Variants in NLRP8 observed in about 807,000 individuals in gnomAD.
NLRP8 encodes the protein NACHT, LRR and PYD domains-containing protein 8.
Under a neutral mutation model 88.7 loss-of-function variants are expected in NLRP8, and 86 were observed. The observed-to-expected ratio is 0.97, with a 90% CI of 0.81 to 1.16. The LOEUF (loss-of-function observed/expected upper bound fraction) is 1.16. NLRP8 is among the 50% of genes most tolerant of loss of function. The probability of loss-of-function intolerance (pLI) is 0.00; values close to 1 mark genes in which losing one functional copy is unlikely to be tolerated. For missense variants in NLRP8, 1,342 were observed against 1,286.5 expected, an observed-to-expected ratio of 1.04 and a Z score of -0.66; for synonymous variants, 504 against 494.6, an observed-to-expected ratio of 1.02 and a Z score of -0.25.
chr19:55,955,238 C>G lies in NLRP8; in HGVS notation c.1180C>G (p.Arg394Gly), dbSNP rs766183456. The change falls in exon 3 of 10, where the codon CGG becomes GGG. Residue 394 changes from arginine (R) to glycine (G), a missense_variant. Coordinates refer to ENST00000291971, the MANE Select transcript of NLRP8 (RefSeq NM_176811.2). ...AAACACCATTCTCTTCTCCATGTGCCGGGTCCCTGTGGTTTGCTGGATGGT... is the reference window on the plus strand; with the variant it reads ...AAACACCATTCTCTTCTCCATGTGCGGGGTCCCTGTGGTTTGCTGGATGGT... The G allele has an allele frequency of 6.2e-7, 1 of 1,614,138 alleles. No individual in the cohort carries two copies. The highest frequency in any genetic ancestry group is 1.1e-5 in the South Asian group (1 of 91,078).
intron 7 of NLRP8, among the ~76,000 whole-genome samples, chr19:55,974,139 G>A (rs1405752645): frequency 6.6e-6 from 1 of 151,402 alleles, no homozygotes; most frequent in Middle Eastern, 3.4e-3. Context: ...CTACCTCGAG[G>A]TGTAAGAATT....
At chr19:55,977,346 CAAT>C (rs1980392726) in intron 8 of NLRP8, among the ~76,000 whole-genome samples, 1 of 141,336 alleles carries the variant, frequency 7.1e-6, no homozygotes, top group South Asian at 2.2e-4. Flanking sequence ...TACATATAAG[CAAT>C]ATATTATTTA....
chr19:55,987,254 C>T (rs1210642555), intron 9 of NLRP8, among the ~76,000 whole-genome samples: 10 of 152,178 alleles, frequency 6.6e-5, no homozygotes, highest in Non-Finnish European at 1.2e-4. Context: ...CCTATAATCC[C>T]ACCTTCTAGG....
chr19:55,962,127 G>A lies in NLRP8; in HGVS notation c.2103G>A (p.Thr701=), dbSNP rs79809983. ...AAGACTTATGCTCTGTGTTTGCAACGAATGATAAGCTGGAAGTCCTGACTA... is the reference window on the plus strand; with the variant it reads ...AAGACTTATGCTCTGTGTTTGCAACAAATGATAAGCTGGAAGTCCTGACTA... Residue 701 remains threonine, a synonymous_variant, in exon 4 of 10, where the codon ACG becomes ACA. Coordinates refer to ENST00000291971, the MANE Select transcript of NLRP8 (RefSeq NM_176811.2). 3,594 of 1,614,200 alleles carry A rather than the reference G, an allele frequency of 2.2e-3. 76 individuals are homozygous for A. The African/African-American group carries it at 0.042, about 19-fold the overall frequency.
chr19:55,961,935 A>T, intron 3 of NLRP8, 132 bp from the exon 4 acceptor site: 1 of 687,996 alleles, frequency 1.5e-6, no homozygotes, highest in Non-Finnish European at 2.3e-6. Flanking sequence ...TGCTTTATTT[A>T]AATGAGGATG....
chr19:55,972,433 T>A (rs1279825481), intron 6 of NLRP8, among the ~76,000 whole-genome samples: 2 of 151,750 alleles, frequency 1.3e-5, no homozygotes, highest in Non-Finnish European at 2.9e-5. Flanking sequence ...TTTCAGGTTT[T>A]AATTTTTATT....
rs146493699 is a variant in NLRP8 at position 55,978,480 on chromosome 19, T to TG, written c.2877-908dup. ...CTGCATCTGGTGAGAGCCTTAGTGC[T>TG]GGGGGGATTCTCTGCAGGGTCACTA... On this transcript the variant is annotated intron_variant, in intron 8 of 9. Transcript: ENST00000291971. 9.4e-3 allele frequency among the ~76,000 whole-genome samples: 1,438 copies of TG among 152,176 alleles called. 30 individuals carry two copies. The highest frequency in any genetic ancestry group is 0.033 in the African/African-American group (1,355 of 41,510).
In NLRP8 at chr19:55,987,857, C is replaced by A; in HGVS notation, c.3091C>A (p.Pro1031Thr). 2 of 1,614,132 alleles carry A rather than the reference C, an allele frequency of 1.2e-6. No homozygotes were observed. The highest frequency in any genetic ancestry group is 1.7e-6 in the Non-Finnish European group (2 of 1,180,010). ...TCGAATAACTAGCTTCTCCCCAACT[C>A]CTCACCCACCCGACTTCACGGGAAA... The change falls in exon 10 of 10, where the codon CCT becomes ACT. Residue 1031 changes from proline (P) to threonine (T), a missense_variant. Pro to Thr is a conservative substitution (Grantham distance 38, BLOSUM62 -1). Transcript: ENST00000291971.
chr19:55,960,994 C>G (rs975308294), intron 3 of NLRP8, among the ~76,000 whole-genome samples: 2 of 150,828 alleles, frequency 1.3e-5, no homozygotes, highest in Admixed American at 6.7e-5. Flanking sequence ...CTCCGCCTCC[C>G]AGGTTCAAGC....
At chr19:55,949,550 T>TA (rs1023100778) in intron 1 of NLRP8, among the ~76,000 whole-genome samples, 5 of 152,122 alleles carry the variant, frequency 3.3e-5, no homozygotes, top group Non-Finnish European at 5.9e-5. Flanking sequence ...GATATGTATT[T>TA]AAAAAAATCA....
rs751346370 is a variant in NLRP8, at chr19:55,955,981, A to T, written c.1923A>T (p.Glu641Asp). Residue 641 changes from glutamate to aspartate, a missense_variant, in exon 3 of 10, where the codon GAA becomes GAT. Transcript: ENST00000291971. ...TCTTGAGAATTGGCAACAACAAAGA[A>T]GTTCAAGTGTCTGCTTTTTGCCTGA... 3.7e-6 allele frequency: 6 copies of T among 1,614,216 alleles called. No individual in the cohort carries two copies. In the South Asian group the frequency reaches 6.6e-5, roughly 18 times the overall value.
intron 4 of NLRP8, 85 bp from the exon 5 acceptor site, chr19:55,966,128 C>T (rs1322412523): frequency 7.5e-7 from 1 of 1,327,988 alleles, no homozygotes; most frequent in African/African-American, 1.4e-5. Flanking sequence ...CCACGTGCAG[C>T]TTCCGGGAGC....
At position 55,966,390 on chromosome 19, in the gene NLRP8, G is replaced by A. The variant is rs757211779; in HGVS notation, c.2381+10G>A. 1.9e-6 allele frequency: 3 copies of A among 1,612,596 alleles called. No individual in the cohort carries two copies. In the African/African-American group the frequency reaches 4.0e-5, roughly 22 times the overall value. ...GTCTGCAGTGTCTCAGGTGAGATTT[G>A]AGAGGGGGGTTAGAGTGGGAACCGG... is the stretch of plus-strand genomic sequence containing the variant. On this transcript the variant is annotated intron_variant, in intron 5 of 9. Transcript: ENST00000291971.
chr19:55,967,542 G>A (rs1979898496), intron 5 of NLRP8, among the ~76,000 whole-genome samples: 1 of 152,140 alleles, frequency 6.6e-6, no homozygotes, highest in South Asian at 2.1e-4. Flanking sequence ...CTTTTTCATG[G>A]CTGAATGGTA....
rs568666904 is a variant in NLRP8, at chr19:55,950,895, C to T, written c.368-1643C>T. Among the ~76,000 whole-genome samples the T allele has an allele frequency of 6.6e-5, 10 of 152,214 alleles. No homozygotes were observed. In the East Asian group the frequency reaches 9.7e-4, roughly 15 times the overall value. On this transcript the variant is annotated intron_variant, in intron 1 of 9. Coordinates refer to ENST00000291971, the MANE Select transcript of NLRP8 (RefSeq NM_176811.2). ...GAGTTTGAGACCAGCCTGGCTAACA[C>T]GGTGAAACCGCATCTCTACTAAAAA...
In NLRP8 at chr19:55,983,089, T is replaced by C. The variant is rs117502169; in HGVS notation, c.3047+3525T>C. Among the ~76,000 whole-genome samples, 771 of 152,316 alleles carry C rather than the reference T, an allele frequency of 5.1e-3. 4 individuals are homozygous for C. Among genetic ancestry groups the C allele is most frequent in the Non-Finnish European group, 7.7e-3 (525 of 68,028 alleles). The stretch of plus-strand genomic sequence containing the variant: ...GATGACAGTCGTGAGACCTTGGTTC[T>C]TGTCTTCATTTAAAAGAATTTAAAC... On this transcript the variant is annotated intron_variant, in intron 9 of 9. Coordinates refer to ENST00000291971, the MANE Select transcript of NLRP8 (RefSeq NM_176811.2).
chr19:55,956,174 G>C, intron 3 of NLRP8, 74 bp downstream of exon 3: 8 of 1,427,488 alleles, frequency 5.6e-6, no homozygotes, highest in Non-Finnish European at 7.6e-6. Flanking sequence ...GGGTGTTTAG[G>C]GGGTCAATCT....
At chr19:55,960,377 T>C (rs1228332276) in intron 3 of NLRP8, among the ~76,000 whole-genome samples, 1 of 152,142 alleles carries the variant, frequency 6.6e-6, no homozygotes, top group African/African-American at 2.4e-5. Context: ...TTCCAACACA[T>C]TCCACAAAAT....
At position 55,956,080 on chromosome 19, in the gene NLRP8, C is replaced by T. The variant is rs113181854; in HGVS notation, c.2022C>T (p.Ser674=). ...TCATGAACGTGTGGAAGCTCAGCTCCAGCTCCCATCCTGGCTCTGAGTAAG... is the reference window on the plus strand; with the variant it reads ...TCATGAACGTGTGGAAGCTCAGCTCTAGCTCCCATCCTGGCTCTGAGTAAG... Residue 674 remains serine, a synonymous_variant, in exon 3 of 10, where the codon TCC becomes TCT. Transcript: ENST00000291971. The T allele has an allele frequency of 3.2e-5, 51 of 1,613,058 alleles. No homozygotes were observed. The African/African-American group carries it at 3.6e-4, about 11-fold the overall frequency.
Sources: allele counts gnomAD v4.1 joint callset (sites outside exome capture counted in the v4.1 genomes callset), GRCh38; gene constraint gnomAD v4.1.1; transcripts MANE v1.5; gene names NCBI Gene and HGNC (gene_info 2026-07-23, HGNC 2026-07-21).